The following SIRT2 variants were observed in gnomAD, a reference collection of about 807,000 sequenced individuals.
SIRT2 encodes sirtuin 2, also known as NAD-dependent protein deacetylase sirtuin-2.
SIRT2 carries 40 observed loss-of-function variants against 57.4 expected under a neutral mutation model. The observed-to-expected ratio is 0.70, with a 90% CI of 0.54 to 0.91. The LOEUF is 0.91. SIRT2 is among the 40% of genes least tolerant of loss of function. The pLI, the probability that SIRT2 is intolerant of heterozygous loss-of-function variation, is 0.00. For missense variants in SIRT2, 439 were observed against 510.4 expected (o/e 0.86, Z 1.35); for synonymous variants, 161 against 195.7 (o/e 0.82, Z 1.48).
At position 38,898,380 on chromosome 19, in the gene SIRT2, T is replaced by C; in HGVS notation, c.62A>G (p.Gln21Arg). Residue 21 changes from glutamine to arginine, a missense_variant and splice_region_variant, in exon 2 of 16, where the codon CAG becomes CGG. Transcript: ENST00000249396. ...ETQAGKVQEAQDSDSDSEGGA... is the reference protein window; with the variant it reads ...ETQAGKVQEARDSDSDSEGGA... ...CCTCCACCCTTTCCCCCATCTCACCTGAGCCTCCTGCACCTTCCCTGCCTG... is the reference window on the plus strand; with the variant it reads ...CCTCCACCCTTTCCCCCATCTCACCCGAGCCTCCTGCACCTTCCCTGCCTG... 1 of 1,536,886 alleles carries C rather than the reference T, an allele frequency of 6.5e-7. No homozygotes were observed. The highest frequency in any genetic ancestry group is 8.8e-7 in the Non-Finnish European group (1 of 1,133,186).
rs201767826 is a variant in SIRT2, at chr19:38,889,081, G to A, written c.501+6C>T. On this transcript the variant is annotated splice_donor_region_variant and intron_variant, in intron 8 of 15. Transcript: ENST00000249396. ...TCCTCCTCCCAGGATGCTCGCATCC[G>A]CCTACCTGCGTGTAGCAGCGCAGGA... The A allele has an allele frequency of 1.3e-5, 21 of 1,610,972 alleles. 1 individual carries two copies. Among genetic ancestry groups the A allele is most frequent in the African/African-American group, 8.0e-5 (6 of 75,050 alleles).
chr19:38,895,300 T>G (rs1973683379), intron 2 of SIRT2, among the ~76,000 whole-genome samples: 1 of 152,108 alleles, frequency 6.6e-6, no homozygotes, highest in Non-Finnish European at 1.5e-5. Context: ...CTCGCCCCTC[T>G]CCACTTCAAA....
chr19:38,887,110 G>T (rs1973366910), intron 8 of SIRT2, among the ~76,000 whole-genome samples: 1 of 151,970 alleles, frequency 6.6e-6, no homozygotes, highest in South Asian at 2.1e-4. Context: ...GCTAATTTTT[G>T]TATTTTTCGT....
At chr19:38,892,344 T>A (rs942048026) in intron 4 of SIRT2, among the ~76,000 whole-genome samples, 1 of 149,690 alleles carries the variant, frequency 6.7e-6, no homozygotes, top group Non-Finnish European at 1.5e-5. Flanking sequence ...TGCAGTGAGC[T>A]GAGATTGTGC....
rs1224957010 is a variant in SIRT2, at chr19:38,899,566, C to T, written c.-45G>A. The T allele has an allele frequency of 6.2e-7, 1 of 1,613,624 alleles. No homozygotes were observed. Among genetic ancestry groups the T allele is most frequent in the Non-Finnish European group, 8.5e-7 (1 of 1,179,806 alleles). On this transcript the variant is annotated 5_prime_UTR_variant, in exon 1 of 16. Coordinates refer to ENST00000249396, the MANE Select transcript of SIRT2 (RefSeq NM_012237.4). ...TTGAGGCTGTCACCGACCGCTCTGT[C>T]CCGTCACCAACCACTGTGTCCCGTC... is the stretch of plus-strand genomic sequence containing the variant.
At chr19:38,885,088 T>C (rs1416862577) in intron 8 of SIRT2, among the ~76,000 whole-genome samples, 7 of 151,966 alleles carry the variant, frequency 4.6e-5, no homozygotes, top group Non-Finnish European at 1.0e-4. Flanking sequence ...TTCACCTGTG[T>C]TCTTTTCTTT....
Position 38,880,876 on chromosome 19 carries a change from G to C in SIRT2, c.769C>G (p.Leu257Val). 6.2e-7 allele frequency: 1 copy of C among 1,613,800 alleles called. No individual in the cohort carries two copies. Among genetic ancestry groups the C allele is most frequent in the South Asian group, 1.1e-5 (1 of 91,068 alleles). ...TGCAAGGAGGTACCCATGACCAGGA[G>C]GAGGTCCACCTTCAGGAAGTCCTGC... is the stretch of plus-strand genomic sequence containing the variant. ...MQSDFLKVDL[L>V]LVMGTSLQVQ... is the part of the protein sequence containing the mutation. The change falls in exon 12 of 16, where the codon CTC (leucine) becomes GTC (valine). Residue 257 changes from leucine to valine, a missense_variant. Physicochemically the swap from Leu to Val is conservative, Grantham distance 32. Transcript: ENST00000249396. The surrounding 1 kb of genome is among the most constrained non-coding windows in gnomAD (Gnocchi z 4.1).
At chr19:38,895,496 C>T (rs1192695396) in intron 2 of SIRT2, among the ~76,000 whole-genome samples, 1 of 152,190 alleles carries the variant, frequency 6.6e-6, no homozygotes, top group Admixed American at 6.5e-5. Context: ...CTGGGCCCTG[C>T]AATGGATTTC....
At chr19:38,897,726 A>C (rs574198907) in intron 2 of SIRT2, among the ~76,000 whole-genome samples, 1 of 151,906 alleles carries the variant, frequency 6.6e-6, no homozygotes, top group South Asian at 2.1e-4. Flanking sequence ...GGGCCTCCCT[A>C]TGTTGCCAAG....
rs779807189 is a variant in SIRT2 at position 38,899,610 on chromosome 19, T to G, written c.-89A>C. 5.8e-6 allele frequency: 9 copies of G among 1,557,196 alleles called. No individual in the cohort carries two copies. The African/African-American group carries it at 1.1e-4, about 19-fold the overall frequency. ...TCCCGTCACCGACTGCTCTGTCCTGTCACCGACTGCTCTGTCCCGTGACGG... is the reference window on the plus strand; with the variant it reads ...TCCCGTCACCGACTGCTCTGTCCTGGCACCGACTGCTCTGTCCCGTGACGG... On this transcript the variant is annotated 5_prime_UTR_variant, in exon 1 of 16. Coordinates refer to ENST00000249396, the MANE Select transcript of SIRT2 (RefSeq NM_012237.4).
At chr19:38,881,005 G>A in intron 11 of SIRT2, 95 bp downstream of exon 11, 3 of 1,542,350 alleles carry the variant, frequency 1.9e-6, no homozygotes, top group Non-Finnish European at 2.7e-6. Context: ...CTGGGGAGGT[G>A]ACCTTTCCTG....
Position 38,878,729 on chromosome 19 carries a change from T to G in SIRT2, c.*426A>C, listed in dbSNP as rs2015. The stretch of plus-strand genomic sequence containing the variant: ...CTCCCCCTACGCTGGGTGTGGGTTA[T>G]ATTCAGAGGCCCACACCCACACTGG... On this transcript the variant is annotated 3_prime_UTR_variant, in exon 16 of 16. Transcript: ENST00000249396. 0.47 allele frequency: 73,235 copies of G among 157,442 alleles called. 17,579 individuals are homozygous for G. Among genetic ancestry groups the G allele is most frequent in the African/African-American group, 0.57 (23,895 of 41,666 alleles). The allele number at this position is 157,442 out of a possible 1,614,324, so 9.8% of individuals were successfully genotyped here.
rs752272359 is a variant in SIRT2, at chr19:38,881,347, C to T, written c.691+85G>A. 71 of 1,272,384 alleles carry T rather than the reference C, an allele frequency of 5.6e-5. 1 individual carries two copies. Among genetic ancestry groups the T allele is most frequent in the South Asian group, 2.4e-4 (20 of 81,710 alleles). The allele number at this position is 1,272,384 out of a possible 1,614,324, so 78.8% of individuals were successfully genotyped here. A position where few individuals can be genotyped will look rare whatever the true frequency, so the allele number is the denominator to read the frequency against. ...AGAGACAGAGGTGGCCAGATGTGTG[C>T]GGGTGTGGCCTTTGGGAGGGGGTCA... On this transcript the variant is annotated intron_variant, in intron 10 of 15. Coordinates refer to ENST00000249396, the MANE Select transcript of SIRT2 (RefSeq NM_012237.4).
In SIRT2 at chr19:38,888,071, G is replaced by A. The variant is rs74726794; in HGVS notation, c.501+1016C>T. Reference sequence around the variant, plus strand: ...GCCCGGCCACCTGTTTTATAATTCGGGGTTCTGAGGTGTGATCTAGAGCTT... The same window carrying A: ...GCCCGGCCACCTGTTTTATAATTCGAGGTTCTGAGGTGTGATCTAGAGCTT... On this transcript the variant is annotated intron_variant, in intron 8 of 15. Coordinates refer to ENST00000249396, the MANE Select transcript of SIRT2 (RefSeq NM_012237.4). Among the ~76,000 whole-genome samples the A allele has an allele frequency of 4.7e-3, 710 of 151,856 alleles. 8 individuals carry two copies. The highest frequency in any genetic ancestry group is 0.016 in the African/African-American group (675 of 41,440).
At chr19:38,891,936 C>A (rs761645474) in intron 4 of SIRT2, 36 of 469,656 alleles carry the variant, frequency 7.7e-5, no homozygotes, top group South Asian at 2.5e-4. Flanking sequence ...GGGCAGCAGG[C>A]CTGGCTGCCT....
chr19:38,882,575 G>T (rs1030123960), intron 9 of SIRT2, among the ~76,000 whole-genome samples: 3 of 151,610 alleles, frequency 2.0e-5, no homozygotes, highest in Admixed American at 1.3e-4. Flanking sequence ...GGCGGAGGTT[G>T]CAGTGAGCCG....
intron 4 of SIRT2, among the ~76,000 whole-genome samples, chr19:38,892,360 C>T (rs1044796129): frequency 1.9e-4 from 29 of 149,924 alleles, no homozygotes; most frequent in African/African-American, 6.9e-4. Context: ...TGTGCCACTG[C>T]ACTCCAGCCT....
At chr19:38,881,372 AG>A (rs1973148934) in intron 10 of SIRT2, 59 bp downstream of exon 10, 1 of 1,417,818 alleles carries the variant, frequency 7.1e-7, no homozygotes, top group African/African-American at 1.4e-5. Context: ...GGAGGGGGTC[AG>A]GGGGAGGAGG....
chr19:38,890,188 G>C, intron 4 of SIRT2, 44 bp from the exon 5 acceptor site: 1 of 1,604,994 alleles, frequency 6.2e-7, no homozygotes, highest in Non-Finnish European at 8.5e-7. Context: ...CGTTTGCTCA[G>C]TCCCTACGAT....
Sources: gnomAD v4.1 joint callset for allele counts (sites outside exome capture counted in the v4.1 genomes callset) on GRCh38, gnomAD v4.1.1 for gene constraint, Gnocchi (gnomAD v3.1) non-coding constraint, MANE v1.5 for transcripts, NCBI Gene and HGNC (gene_info 2026-07-23, HGNC 2026-07-21) for gene names.